The following GABRG3 variants were observed in gnomAD, a reference collection of about 807,000 sequenced individuals.
GABRG3 encodes the protein gamma-aminobutyric acid receptor subunit gamma-3.
A neutral mutation model predicts 48.8 loss-of-function variants in GABRG3; 25 were observed. The ratio of observed to expected loss-of-function variants is 0.51; its 90% CI spans 0.37 to 0.72. GABRG3 has a LOEUF of 0.72. Among genes scored for constraint, GABRG3 ranks in the 30% least tolerant of loss-of-function variants. The pLI is 0.00. For missense variants in GABRG3, 394 were observed against 577.9 expected (o/e 0.68, Z 3.26); for synonymous variants, 227 against 217.6 (o/e 1.04, Z -0.38).
At chr15:27,295,232 T>C (rs1891941003) in intron 3 of GABRG3, 1 of 152,234 alleles carries the variant, frequency 6.6e-6, no homozygotes, top group Non-Finnish European at 1.5e-5. Context: ...TATTTCGCCT[T>C]CCTTTCCAGT....
chr15:27,209,347 T>TTTCTTTCTTTCC (rs796646267), intron 3 of GABRG3, among the ~76,000 whole-genome samples: 6 of 151,306 alleles, frequency 4.0e-5, no homozygotes, highest in African/African-American at 1.5e-4. Flanking sequence ...TCTTTCTTTC[T>TTTCTTTCTTTCC]TTCCTTCCTT....
At chr15:27,178,294 C>T (rs1183258352) in intron 3 of GABRG3, among the ~76,000 whole-genome samples, 1 of 152,214 alleles carries the variant, frequency 6.6e-6, no homozygotes, top group Non-Finnish European at 1.5e-5. Flanking sequence ...TTGCAGTTCA[C>T]TAGTTGTGGG....
chr15:27,340,057 G>C (rs2140527674), intron 5 of GABRG3, among the ~76,000 whole-genome samples: 1 of 152,152 alleles, frequency 6.6e-6, no homozygotes, highest in South Asian at 2.1e-4. Context: ...CTTGTGTCAG[G>C]GAACCTTCTT....
chr15:27,296,558 A>G (rs1308392467), intron 3 of GABRG3, among the ~76,000 whole-genome samples: 2 of 152,186 alleles, frequency 1.3e-5, no homozygotes, highest in African/African-American at 4.8e-5. Context: ...ATGATGTTTC[A>G]GTCAACAGTG....
chr15:27,499,928 G>T (rs74947146), intron 6 of GABRG3, among the ~76,000 whole-genome samples: 5,290 of 152,296 alleles, frequency 0.035, 303 homozygotes, highest in African/African-American at 0.12. Flanking sequence ...GGTGGAACAG[G>T]TGACTCTGGG....
At chr15:27,517,957 G>A (rs2150861245) in intron 6 of GABRG3, among the ~76,000 whole-genome samples, 1 of 152,034 alleles carries the variant, frequency 6.6e-6, no homozygotes, top group Middle Eastern at 3.4e-3. Context: ...TCTAAATATT[G>A]CTACAACAGA....
chr15:27,051,679 C>T (rs956259426), intron 3 of GABRG3, among the ~76,000 whole-genome samples: 2 of 152,208 alleles, frequency 1.3e-5, no homozygotes, highest in Non-Finnish European at 2.9e-5. Context: ...ACAGTTTTTC[C>T]ACGGACCAGG....
At chr15:27,067,420 C>T (rs1208071717) in intron 3 of GABRG3, among the ~76,000 whole-genome samples, 3 of 152,172 alleles carry the variant, frequency 2.0e-5, no homozygotes, top group Admixed American at 6.5e-5. Flanking sequence ...GCTAAGGGCT[C>T]GCCTCTGCCC....
chr15:27,515,597 G>T (rs903865381), intron 6 of GABRG3, among the ~76,000 whole-genome samples: 2 of 152,120 alleles, frequency 1.3e-5, no homozygotes, highest in African/African-American at 4.8e-5. Flanking sequence ...TAAGTTGGTG[G>T]GGTTGGGAGG....
chr15:27,501,690 A>T (rs1890644447), intron 6 of GABRG3, among the ~76,000 whole-genome samples: 1 of 152,114 alleles, frequency 6.6e-6, no homozygotes, highest in African/African-American at 2.4e-5. Context: ...CTTATGAAAC[A>T]TCTTAGCCTG....
intron 3 of GABRG3, among the ~76,000 whole-genome samples, chr15:27,194,053 T>C (rs186649275): frequency 1.3e-5 from 2 of 152,236 alleles, no homozygotes; most frequent in African/African-American, 4.8e-5. Context: ...TTATTTATAA[T>C]GTCTTTCAAT....
intron 5 of GABRG3, chr15:27,362,515 G>A (rs1895057464): frequency 6.6e-6 from 1 of 152,172 alleles, no homozygotes; most frequent in Admixed American, 6.5e-5. Context: ...AAAAGCAGAG[G>A]TTTTCAAAGG....
intron 5 of GABRG3, among the ~76,000 whole-genome samples, chr15:27,367,316 C>A (rs1895241178): frequency 6.6e-6 from 1 of 152,142 alleles, no homozygotes; most frequent in Non-Finnish European, 1.5e-5. Flanking sequence ...ATCCCTAGGC[C>A]AACACACCTC....
intron 3 of GABRG3, among the ~76,000 whole-genome samples, chr15:27,043,989 C>T (rs1395978518): frequency 1.3e-5 from 2 of 152,190 alleles, no homozygotes; most frequent in Admixed American, 1.3e-4. Flanking sequence ...TTTGCCTGGC[C>T]TGGCTCAGTT....
intron 3 of GABRG3, among the ~76,000 whole-genome samples, chr15:27,228,096 T>TGG (rs905679634): frequency 8.5e-5 from 13 of 152,172 alleles, no homozygotes; most frequent in Admixed American, 7.9e-4. Flanking sequence ...ATTTTAGGTT[T>TGG]GGGGGTATAT....
At chr15:26,988,529 T>C (rs1333332126) in intron 2 of GABRG3, among the ~76,000 whole-genome samples, 1 of 152,106 alleles carries the variant, frequency 6.6e-6, no homozygotes. Context: ...TGTTTGTCTT[T>C]GTGTTTAAAA....
chr15:27,512,287 TA>T (rs35967450), intron 6 of GABRG3, among the ~76,000 whole-genome samples: 82,710 of 151,892 alleles, frequency 0.54, 22,750 homozygotes, highest in East Asian at 0.68. Context: ...ATTAGAGTAG[TA>T]AAATGTGGTT....
At position 27,447,490 on chromosome 15, in the gene GABRG3, G is replaced by C. The variant is rs1888977596; in HGVS notation, c.575-33160G>C. On this transcript the variant is annotated intron_variant, in intron 5 of 9. Coordinates refer to ENST00000615808, the MANE Select transcript of GABRG3 (RefSeq NM_033223.5). This position sits in a 1 kb window ranked among gnomAD's most constrained non-coding sequence, Gnocchi z 4.0. ...AAGTGGGGGAGATGCCATAATTATA[G>C]TGAGAAATTAGAAGACTGCTATTGT... Among the ~76,000 whole-genome samples the C allele has an allele frequency of 6.6e-6, 1 of 152,172 alleles. No individual in the cohort carries two copies. The highest frequency in any genetic ancestry group is 2.4e-5 in the African/African-American group (1 of 41,432).
chr15:27,451,286 T>C (rs1365184036), intron 5 of GABRG3, among the ~76,000 whole-genome samples: 1 of 152,170 alleles, frequency 6.6e-6, no homozygotes, highest in Non-Finnish European at 1.5e-5. Flanking sequence ...GATTTCAAGT[T>C]ATATCATAAA....
Sources: gnomAD v4.1 joint callset for allele counts (sites outside exome capture counted in the v4.1 genomes callset) on GRCh38, gnomAD v4.1.1 for gene constraint, Gnocchi (gnomAD v3.1) non-coding constraint, MANE v1.5 for transcripts, NCBI Gene and HGNC (gene_info 2026-07-23, HGNC 2026-07-21) for gene names.